Variants in SPSB4 observed in about 807,000 individuals in gnomAD.
The protein encoded by SPSB4 is splA/ryanodine receptor domain and SOCS box containing 4.
A neutral mutation model predicts 20.9 loss-of-function variants in SPSB4; 21 were observed. That is an observed-to-expected ratio of 1.01 (90% CI 0.71 to 1.45). The LOEUF (loss-of-function observed/expected upper bound fraction) is 1.45, where lower values mean the gene tolerates loss of function less well. Among genes scored for constraint, SPSB4 ranks in the 40% most tolerant of loss-of-function variants. The pLI, the probability that SPSB4 is intolerant of heterozygous loss-of-function variation, is 0.00. For missense variants in SPSB4, 399 were observed against 399.2 expected, an observed-to-expected ratio of 1.00 and a Z score of 0.00; for synonymous variants, 207 against 183.8, an observed-to-expected ratio of 1.13 and a Z score of -1.02.
intron 2 of SPSB4, among the ~76,000 whole-genome samples, chr3:141,091,771 C>T (rs932267918): frequency 1.3e-5 from 2 of 152,226 alleles, no homozygotes; most frequent in Non-Finnish European, 2.9e-5. Context: ...AGCCCAATGG[C>T]ACTGCCCACT....
intron 2 of SPSB4, among the ~76,000 whole-genome samples, chr3:141,118,595 G>T (rs1218877373): frequency 2.0e-5 from 3 of 152,180 alleles, no homozygotes; most frequent in African/African-American, 7.2e-5. Flanking sequence ...TATTGCCTAG[G>T]TTTTCTTCTA....
At chr3:141,073,275 C>G (rs1227428678) in intron 2 of SPSB4, among the ~76,000 whole-genome samples, 2 of 152,202 alleles carry the variant, frequency 1.3e-5, no homozygotes, top group African/African-American at 4.8e-5. Context: ...GATATGCGTT[C>G]CCTGAATTTC....
At chr3:141,129,602 T>C (rs566976817) in intron 2 of SPSB4, among the ~76,000 whole-genome samples, 9 of 152,204 alleles carry the variant, frequency 5.9e-5, no homozygotes, top group South Asian at 2.1e-4. Context: ...CATGCACACA[T>C]GAGCGAATCT....
At chr3:141,114,588 C>G (rs753260801) in intron 2 of SPSB4, among the ~76,000 whole-genome samples, 18 of 152,194 alleles carry the variant, frequency 1.2e-4, no homozygotes, top group Non-Finnish European at 1.6e-4. Flanking sequence ...CCGTGGCCAG[C>G]CTGGGCACAC....
intron 2 of SPSB4, among the ~76,000 whole-genome samples, chr3:141,140,214 T>C (rs7430058): frequency 0.17 from 25,176 of 152,170 alleles, 2,488 homozygotes; most frequent in Admixed American, 0.31. Context: ...TCTGCATTGG[T>C]TATTCTAGTT....
At chr3:141,146,043 C>T (rs1939407741) in intron 2 of SPSB4, among the ~76,000 whole-genome samples, 1 of 152,086 alleles carries the variant, frequency 6.6e-6, no homozygotes, top group African/African-American at 2.4e-5. Flanking sequence ...TAAAATGATT[C>T]ACCTATTTAA....
At chr3:141,107,946 C>A (rs1938724869) in intron 2 of SPSB4, among the ~76,000 whole-genome samples, 1 of 150,624 alleles carries the variant, frequency 6.6e-6, no homozygotes, top group African/African-American at 2.5e-5. Flanking sequence ...CAGAGCGAGA[C>A]TCTGTCTTAA....
At chr3:141,061,896 T>A (rs1038682771) in intron 1 of SPSB4, among the ~76,000 whole-genome samples, 1 of 152,096 alleles carries the variant, frequency 6.6e-6, no homozygotes, top group Non-Finnish European at 1.5e-5. Flanking sequence ...CCGCCACACC[T>A]GGCTAATTTT....
intron 2 of SPSB4, among the ~76,000 whole-genome samples, chr3:141,088,953 T>G (rs1938400526): frequency 6.6e-6 from 1 of 152,228 alleles, no homozygotes; most frequent in Non-Finnish European, 1.5e-5. Context: ...AGCACATCTG[T>G]GTCCATATCC....
Position 141,066,211 on chromosome 3 carries a change from G to C in SPSB4, c.107G>C (p.Arg36Pro), listed in dbSNP as rs1320407525. 5 of 1,539,412 alleles carry C rather than the reference G, an allele frequency of 3.2e-6. No homozygotes were observed. In the East Asian group the frequency reaches 1.3e-4, roughly 39 times the overall value. The change falls in exon 2 of 3, where the codon CGG becomes CCG. Residue 36 changes from arginine to proline, a missense_variant. Physicochemically the swap from Arg to Pro is moderately radical, Grantham distance 103. Transcript: ENST00000310546. ...GGTGCAGAGCCCGGGCGGCCGGCGC[G>C]GCTGGACCAGCTGTTGGACATGCCA... ...LRGAEPGRPARLDQLLDMPAA... is the reference protein window; with the variant it reads ...LRGAEPGRPAPLDQLLDMPAA...
chr3:141,124,601 G>A (rs912070857), intron 2 of SPSB4, among the ~76,000 whole-genome samples: 2 of 152,158 alleles, frequency 1.3e-5, no homozygotes, highest in African/African-American at 4.8e-5. Flanking sequence ...AAGATAGAAA[G>A]GATGGGACAA....
chr3:141,123,466 T>C (rs1939002364), intron 2 of SPSB4, among the ~76,000 whole-genome samples: 1 of 152,266 alleles, frequency 6.6e-6, no homozygotes, highest in African/African-American at 2.4e-5. Flanking sequence ...TGCAACTTCC[T>C]AAATTACTTA....
At chr3:141,065,576 A>G (rs1300463433) in intron 1 of SPSB4, among the ~76,000 whole-genome samples, 4 of 152,184 alleles carry the variant, frequency 2.6e-5, no homozygotes, top group Admixed American at 1.3e-4. Context: ...CAGACTCCCT[A>G]TGATTGTTCT....
chr3:141,127,089 G>A (rs1939060788), intron 2 of SPSB4, among the ~76,000 whole-genome samples: 1 of 152,238 alleles, frequency 6.6e-6, no homozygotes, highest in Non-Finnish European at 1.5e-5. Flanking sequence ...ACCCCAGTAG[G>A]ACCTGAGTCT....
intron 2 of SPSB4, among the ~76,000 whole-genome samples, chr3:141,123,303 T>G (rs1352583633): frequency 6.6e-6 from 1 of 152,258 alleles, no homozygotes; most frequent in Non-Finnish European, 1.5e-5. Context: ...CAAGCACCTC[T>G]GTGCCCCTTG....
At chr3:141,088,889 C>A (rs920180228) in intron 2 of SPSB4, among the ~76,000 whole-genome samples, 1 of 152,200 alleles carries the variant, frequency 6.6e-6, no homozygotes, top group South Asian at 2.1e-4. Context: ...CAAACCAAGG[C>A]CCAATCTGAC....
At chr3:141,083,661 G>A (rs1938282394) in intron 2 of SPSB4, among the ~76,000 whole-genome samples, 1 of 152,042 alleles carries the variant, frequency 6.6e-6, no homozygotes, top group Admixed American at 6.5e-5. Flanking sequence ...TTCTCCACCT[G>A]TCTAAAGCTA....
At chr3:141,137,144 C>G (rs1333941651) in intron 2 of SPSB4, among the ~76,000 whole-genome samples, 5 of 152,114 alleles carry the variant, frequency 3.3e-5, no homozygotes, top group African/African-American at 7.2e-5. Context: ...CTCTGTTTGT[C>G]TGTTATTGGT....
At chr3:141,127,187 G>A (rs1421896899) in intron 2 of SPSB4, among the ~76,000 whole-genome samples, 1 of 152,258 alleles carries the variant, frequency 6.6e-6, no homozygotes, top group South Asian at 2.1e-4. Flanking sequence ...GGGCTGGGGG[G>A]TGCAGCAGCA....
Sources: gnomAD v4.1 joint callset for allele counts (sites outside exome capture counted in the v4.1 genomes callset) on GRCh38, gnomAD v4.1.1 for gene constraint, MANE v1.5 for transcripts, NCBI Gene and HGNC (gene_info 2026-07-23, HGNC 2026-07-21) for gene names.